The following SORL1 variants were observed in gnomAD, a reference collection of about 807,000 sequenced individuals.
SORL1 encodes sortilin-related receptor.
In SORL1, 127 loss-of-function variants were observed where a neutral mutation model predicts 273.7. The ratio of observed to expected loss-of-function variants is 0.46; its 90% CI spans 0.40 to 0.54. SORL1 has a LOEUF of 0.54. Among genes scored for constraint, SORL1 ranks in the 20% least tolerant of loss-of-function variants. The probability of loss-of-function intolerance (pLI) is 0.00; values close to 1 mark genes in which losing one functional copy is unlikely to be tolerated. For synonymous variants in SORL1, 1,031 were observed against 1,067.4 expected (o/e 0.97, Z 0.66); for missense variants, 2,494 against 2,846.1 (o/e 0.88, Z 2.81).
intron 27 of SORL1, among the ~76,000 whole-genome samples, chr11:121,587,146 G>A (rs1469632277): frequency 6.6e-6 from 1 of 152,214 alleles, no homozygotes; most frequent in Non-Finnish European, 1.5e-5. Flanking sequence ...CCCTGCAATA[G>A]TTGCTTTCTA....
At position 121,591,012 on chromosome 11, in the gene SORL1, C is replaced by T. The variant is rs758520272; in HGVS notation, c.4225C>T (p.Leu1409Phe). ...DEKDCGDSHI[L>F]PFSTPGPSTC... ...GGTGTTTTTCTCAGATTCACATATT[C>T]TTCCCTTCTCGACTCCTGGGCCCTC... Residue 1409 changes from leucine (L) to phenylalanine (F), a missense_variant, in exon 31 of 48, where the codon CTT (leucine) becomes TTT (phenylalanine). Leu to Phe is a conservative substitution (Grantham distance 22). Coordinates refer to ENST00000260197, the MANE Select transcript of SORL1 (RefSeq NM_003105.6). The T allele has an allele frequency of 3.7e-6, 6 of 1,614,118 alleles. No homozygotes were observed. Among genetic ancestry groups the T allele is most frequent in the African/African-American group, 1.3e-5 (1 of 74,930 alleles).
In SORL1 at chr11:121,605,533, A is replaced by C. The variant is rs539887207; in HGVS notation, c.4910A>C (p.Asn1637Thr). ...GTTCAGTGTCTCAGCAAGGCACACA[A>C]CACCAATGACTTTGTGACCCTGAGG... ...VQVQCLSKAH[N>T]TNDFVTLRTP... Residue 1637 changes from asparagine (N) to threonine (T), a missense_variant, in exon 35 of 48, where the codon AAC becomes ACC. Asn to Thr is a moderately conservative substitution (Grantham distance 65, BLOSUM62 0). Transcript: ENST00000260197. The C allele has an allele frequency of 1.7e-5, 27 of 1,614,166 alleles. No individual in the cohort carries two copies. The South Asian group carries it at 2.1e-4, about 12-fold the overall frequency.
intron 6 of SORL1, among the ~76,000 whole-genome samples, chr11:121,510,745 T>C (rs1482647032): frequency 6.6e-6 from 1 of 152,118 alleles, no homozygotes; most frequent in African/African-American, 2.4e-5. Context: ...TGGGGGTAGG[T>C]GTAGCAGTGT....
At chr11:121,486,379 C>T (rs544177211) in intron 3 of SORL1, among the ~76,000 whole-genome samples, 1 of 152,276 alleles carries the variant, frequency 6.6e-6, no homozygotes, top group African/African-American at 2.4e-5. Context: ...TGGCTCATGC[C>T]TGTAATCCCA....
intron 22 of SORL1, among the ~76,000 whole-genome samples, chr11:121,569,091 G>A (rs1039542645): frequency 5.3e-5 from 8 of 152,210 alleles, no homozygotes; most frequent in African/African-American, 1.7e-4. Flanking sequence ...CTTTACTGCA[G>A]TCTCTGAACA....
At position 121,630,059 on chromosome 11, in the gene SORL1, C is replaced by A. The variant is rs1863852593; in HGVS notation, c.*496C>A. 6.2e-6 allele frequency: 1 copy of A among 162,466 alleles called. No individual in the cohort carries two copies. The highest frequency in any genetic ancestry group is 5.9e-5 in the Admixed American group (1 of 16,958). The allele number at this position is 162,466 out of a possible 1,614,324, so 10.1% of individuals were successfully genotyped here. On this transcript the variant is annotated 3_prime_UTR_variant, in exon 48 of 48. Coordinates refer to ENST00000260197, the MANE Select transcript of SORL1 (RefSeq NM_003105.6). ...ATGTTATTTTGTTAATTTATTGGGACTCTGTGTAAGGCCAGGCTTTAGTGG... is the reference window on the plus strand; with the variant it reads ...ATGTTATTTTGTTAATTTATTGGGAATCTGTGTAAGGCCAGGCTTTAGTGG...
chr11:121,483,234 C>G (rs1215436006), intron 3 of SORL1, among the ~76,000 whole-genome samples: 1 of 152,180 alleles, frequency 6.6e-6, no homozygotes, highest in Non-Finnish European at 1.5e-5. Flanking sequence ...TACGGGCCAG[C>G]GCCACTGCAT....
At chr11:121,615,104 A>G (rs369987048) in intron 41 of SORL1, 49 bp downstream of exon 41, 6 of 1,441,306 alleles carry the variant, frequency 4.2e-6, no homozygotes, top group African/African-American at 1.4e-5. Flanking sequence ...ACTGTCCCCT[A>G]ATGCTACGCC....
intron 1 of SORL1, among the ~76,000 whole-genome samples, chr11:121,469,362 A>G (rs1030394422): frequency 6.6e-6 from 1 of 152,182 alleles, no homozygotes; most frequent in Non-Finnish European, 1.5e-5. Context: ...TGATGTCCTT[A>G]CTTGGCAGAA....
rs1297209064 is a variant in SORL1, at chr11:121,563,469, C to T, written c.3050-3471C>T. On this transcript the variant is annotated intron_variant, in intron 21 of 47. Transcript: ENST00000260197. The surrounding 1 kb of genome is among the most constrained non-coding windows in gnomAD (Gnocchi z 4.2). Reference sequence around the variant, plus strand: ...GGAGTGCAGTGATGTGATCTTGGCTCACTGCAACCTCTGCCTCCTGGGTTC... The same window carrying T: ...GGAGTGCAGTGATGTGATCTTGGCTTACTGCAACCTCTGCCTCCTGGGTTC... Among the ~76,000 whole-genome samples, 1 of 152,154 alleles carries T rather than the reference C, an allele frequency of 6.6e-6. No individual in the cohort carries two copies. The highest frequency in any genetic ancestry group is 1.5e-5 in the Non-Finnish European group (1 of 68,030).
At chr11:121,468,214 G>T (rs985314337) in intron 1 of SORL1, among the ~76,000 whole-genome samples, 2 of 152,144 alleles carry the variant, frequency 1.3e-5, no homozygotes, top group Non-Finnish European at 2.9e-5. Flanking sequence ...GCCCAGGCTT[G>T]AACTGTCATC....
At chr11:121,604,520 G>C (rs1406100642) in intron 33 of SORL1, among the ~76,000 whole-genome samples, 196 bp downstream of exon 33, 2 of 151,814 alleles carry the variant, frequency 1.3e-5, no homozygotes, top group South Asian at 2.1e-4. Flanking sequence ...ACATGCAGCT[G>C]TCTCCTCCCT....
At chr11:121,532,680 AGT>A (rs755228395) in intron 12 of SORL1, 128 bp downstream of exon 12, 134 of 718,670 alleles carry the variant, frequency 1.9e-4, no homozygotes, top group Non-Finnish European at 2.1e-4. Context: ...TCTGGATATG[AGT>A]TAAACTTTTT....
chr11:121,590,007 G>A (rs758946723), intron 29 of SORL1, 33 bp from the exon 30 acceptor site: 5 of 1,610,766 alleles, frequency 3.1e-6, no homozygotes, highest in Non-Finnish European at 4.2e-6. Flanking sequence ...CTGATGCAGG[G>A]AAAGCAACTG....
intron 22 of SORL1, among the ~76,000 whole-genome samples, chr11:121,568,738 T>C (rs540387570): frequency 9.2e-5 from 14 of 152,386 alleles, no homozygotes; most frequent in Middle Eastern, 6.8e-3. Flanking sequence ...TATTTTATAA[T>C]GTTGATGTAC....
chr11:121,561,253 A>G (rs966680431), intron 21 of SORL1, among the ~76,000 whole-genome samples: 5 of 152,212 alleles, frequency 3.3e-5, no homozygotes, highest in Non-Finnish European at 7.3e-5. Flanking sequence ...CCCGGTCACA[A>G]CTTACTTCCC....
In SORL1 at chr11:121,580,604, C is replaced by CTT. The variant is rs11404598; in HGVS notation, c.3581-2837_3581-2836dup. Among the ~76,000 whole-genome samples the CTT allele has an allele frequency of 1.1e-3, 132 of 115,470 alleles. 5 individuals are homozygous for CTT. Among genetic ancestry groups the CTT allele is most frequent in the East Asian group, 4.2e-3 (17 of 4,012 alleles). The allele number at this position is 115,470 out of a possible 152,430, so 75.8% of individuals were successfully genotyped here. On this transcript the variant is annotated intron_variant, in intron 25 of 47. Coordinates refer to ENST00000260197, the MANE Select transcript of SORL1 (RefSeq NM_003105.6). ...AGTCATTTTTTTCCTCATGCACTTA[C>CTT]TTTTTTTTTTTTTTTTTTGAGACAG...
At chr11:121,487,240 G>T (rs1005620447) in intron 3 of SORL1, among the ~76,000 whole-genome samples, 1 of 152,206 alleles carries the variant, frequency 6.6e-6, no homozygotes, top group South Asian at 2.1e-4. Context: ...TTGAGGGAAG[G>T]CATCTTGGGT....
At chr11:121,536,425 G>GTTTT (rs760535597) in intron 12 of SORL1, among the ~76,000 whole-genome samples, 1 of 143,732 alleles carries the variant, frequency 7.0e-6, no homozygotes. Flanking sequence ...TCTTATCACT[G>GTTTT]TGTTTTTTTT....
Sources: gnomAD v4.1 joint callset for allele counts (sites outside exome capture counted in the v4.1 genomes callset) on GRCh38, gnomAD v4.1.1 for gene constraint, Gnocchi (gnomAD v3.1) non-coding constraint, MANE v1.5 for transcripts, NCBI Gene and HGNC (gene_info 2026-07-23, HGNC 2026-07-21) for gene names.